The following TNFRSF17 variants were observed in gnomAD, a reference collection of about 807,000 sequenced individuals.
TNFRSF17 encodes the protein tumor necrosis factor receptor superfamily member 17.
In TNFRSF17, 13 loss-of-function variants were observed where a neutral mutation model predicts 9.9. That is an observed-to-expected ratio of 1.31 (90% confidence interval 0.85 to 2.08). The LOEUF (loss-of-function observed/expected upper bound fraction) is 2.08. Among genes scored for constraint, TNFRSF17 ranks in the 30% most tolerant of loss-of-function variants. The pLI, the probability that TNFRSF17 is intolerant of heterozygous loss-of-function variation, is 0.00. For missense variants in TNFRSF17, 305 were observed against 225.8 expected, an observed-to-expected ratio of 1.35 and a Z score of -2.25; for synonymous variants, 99 against 83.7, an observed-to-expected ratio of 1.18 and a Z score of -1.00.
Position 11,967,976 on chromosome 16 carries a change from C to A in TNFRSF17, c.*129C>A. ...GCTTTTTGTCCTCTAACTGTGGAAACTCTTTATGTTAGATATATTTCTCTA... is the reference window on the plus strand; with the variant it reads ...GCTTTTTGTCCTCTAACTGTGGAAAATCTTTATGTTAGATATATTTCTCTA... On this transcript the variant is annotated 3_prime_UTR_variant, in exon 3 of 3. Transcript: ENST00000053243. The A allele has an allele frequency of 9.7e-7, 1 of 1,025,778 alleles. No homozygotes were observed. Among genetic ancestry groups the A allele is most frequent in the Non-Finnish European group, 1.4e-6 (1 of 720,020 alleles). The allele number at this position is 1,025,778 out of a possible 1,614,324, so 63.5% of individuals were successfully genotyped here. A position where few individuals can be genotyped will look rare whatever the true frequency, so the allele number is the denominator to read the frequency against.
chr16:11,967,693 G>C lies in TNFRSF17; in HGVS notation c.401G>C (p.Ser134Thr), dbSNP rs780815996. The C allele has an allele frequency of 6.2e-7, 1 of 1,614,180 alleles. No individual in the cohort carries two copies. Among genetic ancestry groups the C allele is most frequent in the East Asian group, 2.2e-5 (1 of 44,886 alleles). The change falls in exon 3 of 3, where the codon AGC becomes ACC. Residue 134 changes from serine (S) to threonine (T), a missense_variant. Physicochemically the swap from Ser to Thr is moderately conservative, Grantham distance 58 (BLOSUM62 1). Coordinates refer to ENST00000053243, the MANE Select transcript of TNFRSF17 (RefSeq NM_001192.3). ...TGCACCTGTGAAGACTGCATCAAGA[G>C]CAAACCGAAGGTCGACTCTGACCAT... ...EECTCEDCIK[S>T]KPKVDSDHCF...
intron 1 of TNFRSF17, among the ~76,000 whole-genome samples, chr16:11,965,979 C>T (rs879376436): frequency 1.3e-5 from 2 of 152,002 alleles, no homozygotes; most frequent in Admixed American, 1.3e-4. Flanking sequence ...GGCATGGTGG[C>T]ACAGGTCTGT....
intron 1 of TNFRSF17, 106 bp from the exon 2 acceptor site, chr16:11,966,089 C>A: frequency 8.2e-7 from 1 of 1,222,422 alleles, no homozygotes; most frequent in Non-Finnish European, 1.1e-6. Context: ...CTAGCCTGGG[C>A]AACAGAGCAA....
intron 2 of TNFRSF17, among the ~76,000 whole-genome samples, 192 bp from the exon 3 acceptor site, chr16:11,967,378 T>C (rs568858733): frequency 6.6e-5 from 10 of 152,318 alleles, no homozygotes; most frequent in African/African-American, 1.4e-4. Flanking sequence ...CCGACTGCTC[T>C]GTAGGCTAAC....
rs762933989 is a variant in TNFRSF17 at position 11,967,572 on chromosome 16, T to C, written c.280T>C (p.Ser94Pro). 1 of 1,610,118 alleles carries C rather than the reference T, an allele frequency of 6.2e-7. No individual in the cohort carries two copies. Among genetic ancestry groups the C allele is most frequent in the South Asian group, 1.1e-5 (1 of 90,800 alleles). The change falls in exon 3 of 3, where the codon TCA becomes CCA. Residue 94 changes from serine (S) to proline (P), a missense_variant and splice_region_variant. By Grantham distance (74) the Ser-to-Pro change is moderately conservative. Transcript: ENST00000053243. ...PLKDEFKNTGSGLLGMANIDL... is the reference protein window; with the variant it reads ...PLKDEFKNTGPGLLGMANIDL... ...TGTTTCCGTTTCTACATAATTAGGATCAGGTCTCCTGGGCATGGCTAACAT... is the reference window on the plus strand; with the variant it reads ...TGTTTCCGTTTCTACATAATTAGGACCAGGTCTCCTGGGCATGGCTAACAT...
At chr16:11,965,643 T>C (rs1204836114) in intron 1 of TNFRSF17, among the ~76,000 whole-genome samples, 189 bp downstream of exon 1, 1 of 152,210 alleles carries the variant, frequency 6.6e-6, no homozygotes, top group Non-Finnish European at 1.5e-5. Flanking sequence ...CTTGATATGA[T>C]TCAGCACTAT....
At chr16:11,967,096 G>A in intron 2 of TNFRSF17, 1 of 219,836 alleles carries the variant, frequency 4.5e-6, no homozygotes, top group Non-Finnish European at 9.5e-6. Context: ...TGCCTCTTGG[G>A]TTCAAACAAT....
chr16:11,965,831 TGCGG>T (rs2055188862), intron 1 of TNFRSF17, among the ~76,000 whole-genome samples: 2 of 152,086 alleles, frequency 1.3e-5, no homozygotes, highest in African/African-American at 4.8e-5. Flanking sequence ...GACAGCCGGG[TGCGG>T]TGGATGGCTC....
intron 2 of TNFRSF17, among the ~76,000 whole-genome samples, chr16:11,966,741 G>C (rs1251722659): frequency 3.9e-5 from 6 of 152,116 alleles, no homozygotes; most frequent in African/African-American, 1.2e-4. Flanking sequence ...ACAAATATAG[G>C]TGTTCTTTGC....
At position 11,968,031 on chromosome 16, in the gene TNFRSF17, C is replaced by T; in HGVS notation, c.*184C>T. The T allele has an allele frequency of 1.6e-6, 1 of 641,920 alleles. No individual in the cohort carries two copies. Among genetic ancestry groups the T allele is most frequent in the Non-Finnish European group, 2.5e-6 (1 of 401,650 alleles). 39.8% of individuals were successfully genotyped at this position (641,920 alleles called of 1,614,324 possible). A position where few individuals can be genotyped will look rare whatever the true frequency, so the allele number is the denominator to read the frequency against. On this transcript the variant is annotated 3_prime_UTR_variant, in exon 3 of 3. Transcript: ENST00000053243. ...ACTGTTGGGAGCTTAATGGTAGAAA[C>T]TTCCTTGGTTTCATGATTAAACTCT... is the stretch of plus-strand genomic sequence containing the variant.
At chr16:11,965,986 C>T (rs1243842087) in intron 1 of TNFRSF17, among the ~76,000 whole-genome samples, 3 of 152,116 alleles carry the variant, frequency 2.0e-5, no homozygotes, top group Non-Finnish European at 4.4e-5. Flanking sequence ...TGGCACAGGT[C>T]TGTAATCCCA....
In TNFRSF17 at chr16:11,967,569, G is replaced by A; in HGVS notation, c.278-1G>A. On this transcript the variant is annotated splice_acceptor_variant, in intron 2 of 2. Coordinates refer to ENST00000053243, the MANE Select transcript of TNFRSF17 (RefSeq NM_001192.3). LOFTEE classifies it high-confidence loss of function. ...TAATGTTTCCGTTTCTACATAATTAGGATCAGGTCTCCTGGGCATGGCTAA... is the reference window on the plus strand; with the variant it reads ...TAATGTTTCCGTTTCTACATAATTAAGATCAGGTCTCCTGGGCATGGCTAA... 13 of 1,609,096 alleles carry A rather than the reference G, an allele frequency of 8.1e-6. No individual in the cohort carries two copies. Among genetic ancestry groups the A allele is most frequent in the Non-Finnish European group, 1.1e-5 (13 of 1,176,454 alleles).
chr16:11,966,432 C>T, intron 2 of TNFRSF17, 91 bp downstream of exon 2: 2 of 1,298,400 alleles, frequency 1.5e-6, no homozygotes. Flanking sequence ...TTGACTATTT[C>T]ACTTCGTTAC....
intron 1 of TNFRSF17, among the ~76,000 whole-genome samples, 196 bp downstream of exon 1, chr16:11,965,650 C>G (rs887292783): frequency 6.6e-6 from 1 of 152,018 alleles, no homozygotes; most frequent in African/African-American, 2.4e-5. Flanking sequence ...TGATTCAGCA[C>G]TATTAGCAAC....
chr16:11,967,794 C>T lies in TNFRSF17; in HGVS notation c.502C>T (p.Leu168=). Residue 168 remains leucine, a synonymous_variant, in exon 3 of 3, where the codon CTG becomes TTG. Transcript: ENST00000053243. ...GAAAACGAATGACTATTGCAAGAGC[C>T]TGCCAGCTGCTTTGAGTGCTACGGA... ...TTKTNDYCKS[L]PAALSATEIE... is the part of the protein sequence containing the mutation. The T allele has an allele frequency of 1.2e-6, 2 of 1,614,210 alleles. No homozygotes were observed. The highest frequency in any genetic ancestry group is 1.7e-5 in the Admixed American group (1 of 60,022).
intron 1 of TNFRSF17, 43 bp downstream of exon 1, chr16:11,965,497 T>C (rs769242384): frequency 6.2e-7 from 1 of 1,604,184 alleles, no homozygotes; most frequent in Non-Finnish European, 8.5e-7. Context: ...GTGTGAACTA[T>C]TCTGTCTATA....
chr16:11,965,760 C>T (rs1056050911), intron 1 of TNFRSF17, among the ~76,000 whole-genome samples: 5 of 152,234 alleles, frequency 3.3e-5, no homozygotes, highest in African/African-American at 9.6e-5. Flanking sequence ...ATAATCCATA[C>T]TTGATTATTT....
intron 1 of TNFRSF17, among the ~76,000 whole-genome samples, 155 bp downstream of exon 1, chr16:11,965,609 A>C (rs1000777717): frequency 6.6e-6 from 1 of 152,222 alleles, no homozygotes; most frequent in African/African-American, 2.4e-5. Flanking sequence ...GTTTATGGAA[A>C]CAAAGTAATT....
chr16:11,965,317 T>C lies in TNFRSF17; in HGVS notation c.-8T>C. On this transcript the variant is annotated 5_prime_UTR_variant, in exon 1 of 3. Transcript: ENST00000053243. ...TTTCTGTAGCTCCCTTGTTTTCTTT[T>C]TGTGATCATGTTGCAGATGGCTGGG... is the stretch of plus-strand genomic sequence containing the variant. 6.2e-7 allele frequency: 1 copy of C among 1,614,150 alleles called. No individual in the cohort carries two copies.
Sources: allele counts gnomAD v4.1 joint callset (sites outside exome capture counted in the v4.1 genomes callset), GRCh38; gene constraint gnomAD v4.1.1; transcripts MANE v1.5; gene names NCBI Gene and HGNC (gene_info 2026-07-23, HGNC 2026-07-21).